Variants in ARHGAP42 observed in about 807,000 individuals in gnomAD.
ARHGAP42 encodes Rho GTPase activating protein 42.
ARHGAP42 carries 63 observed loss-of-function variants against 125.0 expected under a neutral mutation model. The observed-to-expected ratio is 0.50, with a 90% confidence interval of 0.41 to 0.62. ARHGAP42 has a LOEUF of 0.62. Among genes scored for constraint, ARHGAP42 ranks in the 20% least tolerant of loss-of-function variants. ARHGAP42 has a pLI of 0.00. For synonymous variants in ARHGAP42, 339 were observed against 351.0 expected (o/e 0.97, Z 0.38); for missense variants, 766 against 1,024.2 (o/e 0.75, Z 3.44).
At chr11:100,744,624 A>G (rs1322069224) in intron 1 of ARHGAP42, among the ~76,000 whole-genome samples, 1 of 151,536 alleles carries the variant, frequency 6.6e-6, no homozygotes, top group Non-Finnish European at 1.5e-5. Context: ...TTTAATGTTT[A>G]CAGTTTATTG....
chr11:100,779,567 TATAC>T (rs1863244935), intron 2 of ARHGAP42, among the ~76,000 whole-genome samples: 1 of 146,960 alleles, frequency 6.8e-6, no homozygotes, highest in East Asian at 2.0e-4. Context: ...CATACGTATA[TATAC>T]GTATATATAC....
intron 4 of ARHGAP42, among the ~76,000 whole-genome samples, chr11:100,897,788 A>T (rs185007656): frequency 1.4e-4 from 21 of 152,350 alleles, no homozygotes; most frequent in Non-Finnish European, 5.9e-5. Context: ...ATCTGCAAAC[A>T]GGGACAATTT....
At chr11:100,693,114 C>G (rs900677938) in intron 1 of ARHGAP42, among the ~76,000 whole-genome samples, 1 of 151,152 alleles carries the variant, frequency 6.6e-6, no homozygotes, top group Non-Finnish European at 1.5e-5. Context: ...CTTGTAAGAA[C>G]TGCCATTGTT....
intron 1 of ARHGAP42, among the ~76,000 whole-genome samples, chr11:100,748,775 G>T (rs1862367375): frequency 7.0e-6 from 1 of 142,190 alleles, no homozygotes; most frequent in Non-Finnish European, 1.6e-5. Context: ...GTGCTTTTGG[G>T]CTACGCCCTT....
At chr11:100,915,128 G>T (rs757271208) in intron 5 of ARHGAP42, among the ~76,000 whole-genome samples, 1 of 152,104 alleles carries the variant, frequency 6.6e-6, no homozygotes, top group Non-Finnish European at 1.5e-5. Context: ...ATGCTAAACT[G>T]ATGGAAGACA....
intron 22 of ARHGAP42, among the ~76,000 whole-genome samples, chr11:100,979,451 G>A (rs1858476059): frequency 6.6e-6 from 1 of 151,876 alleles, no homozygotes; most frequent in Non-Finnish European, 1.5e-5. Context: ...AAGGATCTCA[G>A]AGATGTTGTA....
chr11:100,882,638 TTCTC>T (rs1865989226), intron 4 of ARHGAP42, among the ~76,000 whole-genome samples: 1 of 152,244 alleles, frequency 6.6e-6, no homozygotes, highest in East Asian at 1.9e-4. Flanking sequence ...GATTCCCTCT[TTCTC>T]TCTCTTGTGG....
rs561900682 is a variant in ARHGAP42, at chr11:100,878,145, TGA to T, written c.384+18523_384+18524del. Among the ~76,000 whole-genome samples, 253 of 152,220 alleles carry T rather than the reference TGA, an allele frequency of 1.7e-3. 4 individuals are homozygous for T. Among genetic ancestry groups the T allele is most frequent in the Admixed American group, 0.015 (231 of 15,304 alleles). On this transcript the variant is annotated intron_variant, in intron 4 of 23. Transcript: ENST00000298815. ...CCTTCTATTTCTTTTTTTCTTTTTT[TGA>T]GATGGAGTTTCACTTTTGTTGCCCA...
intron 1 of ARHGAP42, among the ~76,000 whole-genome samples, chr11:100,707,728 G>C (rs1861501792): frequency 6.6e-6 from 1 of 152,212 alleles, no homozygotes; most frequent in African/African-American, 2.4e-5. Flanking sequence ...GTCAGGTACT[G>C]CTCTAGGCCT....
intron 2 of ARHGAP42, among the ~76,000 whole-genome samples, chr11:100,774,308 T>C (rs1170716275): frequency 5.3e-5 from 8 of 152,200 alleles, no homozygotes; most frequent in Non-Finnish European, 1.2e-4. Context: ...TCCACCTTCA[T>C]TGGCTTCAGT....
chr11:100,848,664 T>G (rs1478254905), intron 3 of ARHGAP42, among the ~76,000 whole-genome samples: 1 of 151,988 alleles, frequency 6.6e-6, no homozygotes, highest in Non-Finnish European at 1.5e-5. Flanking sequence ...CCACCACACC[T>G]GGCTATTTTA....
At chr11:100,769,712 CTTTTTTTTTTTTTTTTT>C (rs140626690) in intron 1 of ARHGAP42, among the ~76,000 whole-genome samples, 7,161 of 78,336 alleles carry the variant, frequency 0.091, 286 homozygotes, top group Middle Eastern at 0.24. Context: ...AGCATTCCTT[CTTTTTTTTTTTTTTTTT>C]TTTTTTTTTT....
intron 22 of ARHGAP42, 133 bp from the exon 23 acceptor site, chr11:100,987,380 C>A: frequency 1.4e-6 from 1 of 700,982 alleles, no homozygotes; most frequent in Non-Finnish European, 2.5e-6. Flanking sequence ...CCGATGTACA[C>A]TCATATATGC....
intron 20 of ARHGAP42, among the ~76,000 whole-genome samples, 168 bp downstream of exon 20, chr11:100,976,605 C>T (rs1201569456): frequency 6.6e-6 from 1 of 152,146 alleles, no homozygotes; most frequent in Non-Finnish European, 1.5e-5. Context: ...GACATTTTTC[C>T]TGAATCTTTC....
At chr11:100,900,815 C>G (rs986520782) in intron 4 of ARHGAP42, among the ~76,000 whole-genome samples, 5 of 151,708 alleles carry the variant, frequency 3.3e-5, no homozygotes, top group Admixed American at 6.6e-5. Context: ...TTGTCTAACC[C>G]TTTTTCAAGG....
chr11:100,703,199 G>A (rs929262286), intron 1 of ARHGAP42, among the ~76,000 whole-genome samples: 2 of 152,060 alleles, frequency 1.3e-5, no homozygotes, highest in Non-Finnish European at 2.9e-5. Context: ...GATAATCTGG[G>A]GGAACATCAT....
chr11:100,775,231 G>T (rs499241), intron 2 of ARHGAP42, among the ~76,000 whole-genome samples: 38,072 of 151,980 alleles, frequency 0.25, 4,923 homozygotes, highest in Non-Finnish European at 0.28. Flanking sequence ...TGGCTTTGGT[G>T]TTTTGAACTG....
intron 1 of ARHGAP42, among the ~76,000 whole-genome samples, chr11:100,730,690 T>C (rs1861941035): frequency 6.6e-6 from 1 of 152,266 alleles, no homozygotes; most frequent in Non-Finnish European, 1.5e-5. Flanking sequence ...CATATATTGC[T>C]TAATGACAAG....
chr11:100,734,724 A>G (rs1291948924), intron 1 of ARHGAP42, among the ~76,000 whole-genome samples: 3 of 152,228 alleles, frequency 2.0e-5, no homozygotes, highest in African/African-American at 4.8e-5. Context: ...TGTTGGAAGA[A>G]CAATCCCAGT....
Sources: gnomAD v4.1 joint callset for allele counts (sites outside exome capture counted in the v4.1 genomes callset) on GRCh38, gnomAD v4.1.1 for gene constraint, MANE v1.5 for transcripts, NCBI Gene and HGNC (gene_info 2026-07-23, HGNC 2026-07-21) for gene names.